Variants in ME1 observed in about 807,000 individuals in gnomAD.
ME1 encodes NADP-dependent malic enzyme.
A neutral mutation model predicts 66.4 loss-of-function variants in ME1; 74 were observed. The ratio of observed to expected loss-of-function variants is 1.11; its 90% CI spans 0.92 to 1.35. The LOEUF is 1.35. ME1 is among the 40% of genes most tolerant of loss of function. The pLI, the probability that ME1 is intolerant of heterozygous loss-of-function variation, is 0.00. For missense variants in ME1, 750 were observed against 694.1 expected, an observed-to-expected ratio of 1.08 and a Z score of -0.90; for synonymous variants, 251 against 235.6, an observed-to-expected ratio of 1.07 and a Z score of -0.60.
chr6:83,392,762 C>A (rs974859728), intron 3 of ME1: 3 of 667,216 alleles, frequency 4.5e-6, no homozygotes, highest in Non-Finnish European at 8.3e-6. Flanking sequence ...GAGGGAGGAG[C>A]CAAAACGGTC....
At chr6:83,235,465 T>C (rs1246653273) in intron 9 of ME1, among the ~76,000 whole-genome samples, 2 of 137,878 alleles carry the variant, frequency 1.5e-5, no homozygotes, top group African/African-American at 5.6e-5. Flanking sequence ...TTCAAAGCAA[T>C]AGCTATTTTT....
At chr6:83,271,867 T>TA (rs1767087525) in intron 6 of ME1, among the ~76,000 whole-genome samples, 1 of 152,156 alleles carries the variant, frequency 6.6e-6, no homozygotes, top group African/African-American at 2.4e-5. Flanking sequence ...TTACTTTTTT[T>TA]AAAAAATTGT....
intron 6 of ME1, among the ~76,000 whole-genome samples, chr6:83,275,683 T>C (rs1767165942): frequency 6.7e-6 from 1 of 149,238 alleles, no homozygotes; most frequent in Non-Finnish European, 1.5e-5. Flanking sequence ...GCCAGGATGG[T>C]CTCGATCTCC....
At chr6:83,260,176 C>CAAAAAA (rs11386903) in intron 6 of ME1, among the ~76,000 whole-genome samples, 1 of 143,466 alleles carries the variant, frequency 7.0e-6, no homozygotes, top group Admixed American at 6.9e-5. Context: ...TAGCAAGGAC[C>CAAAAAA]AAAAAAAAAA....
chr6:83,260,076 T>C (rs552391147), intron 6 of ME1, among the ~76,000 whole-genome samples: 1 of 152,128 alleles, frequency 6.6e-6, no homozygotes, highest in African/African-American at 2.4e-5. Flanking sequence ...GAATGAGAGA[T>C]AAATAATTAA....
intron 6 of ME1, among the ~76,000 whole-genome samples, chr6:83,310,977 T>C (rs750426518): frequency 1.5e-4 from 23 of 152,164 alleles, no homozygotes; most frequent in Non-Finnish European, 3.4e-4. Flanking sequence ...TGGAATGGGA[T>C]GTCTGGTTTG....
chr6:83,298,931 G>GTTTTTT lies in ME1; in HGVS notation c.704+16373_704+16378dup, dbSNP rs61055748. 1.3e-3 allele frequency among the ~76,000 whole-genome samples: 29 copies of GTTTTTT among 22,496 alleles called. 4 individuals are homozygous for GTTTTTT. The highest frequency in any genetic ancestry group is 4.2e-3 in the East Asian group (3 of 708). The allele number at this position is 22,496 out of a possible 152,430, so 14.8% of individuals were successfully genotyped here. On this transcript the variant is annotated intron_variant, in intron 6 of 13. Transcript: ENST00000369705. ...TGCTGTTCCATTAGTCTATGTGTCT[G>GTTTTTT]TTTTTTTTTTTTTTTTTTTTTTTTT...
At chr6:83,311,312 G>A (rs75329458) in intron 6 of ME1, among the ~76,000 whole-genome samples, 46 of 152,252 alleles carry the variant, frequency 3.0e-4, no homozygotes, top group African/African-American at 9.9e-4. Flanking sequence ...TGATTAAAAG[G>A]GCTGGAACCT....
intron 3 of ME1, among the ~76,000 whole-genome samples, chr6:83,384,340 T>C (rs936656343): frequency 2.6e-5 from 4 of 151,900 alleles, no homozygotes; most frequent in Non-Finnish European, 5.9e-5. Flanking sequence ...TCTGATTTTT[T>C]TTAACTTTTT....
chr6:83,293,358 G>T (rs1310781836), intron 6 of ME1, among the ~76,000 whole-genome samples: 2 of 152,084 alleles, frequency 1.3e-5, no homozygotes, highest in African/African-American at 4.8e-5. Context: ...TGGATCTCTA[G>T]AACTTTTTCA....
chr6:83,328,529 A>T (rs1465388323), intron 5 of ME1, among the ~76,000 whole-genome samples: 1 of 152,214 alleles, frequency 6.6e-6, no homozygotes, highest in Non-Finnish European at 1.5e-5. Flanking sequence ...CATAATTTTA[A>T]TTAAGATAAT....
chr6:83,406,137 A>G (rs1769939523), intron 2 of ME1, among the ~76,000 whole-genome samples: 1 of 152,170 alleles, frequency 6.6e-6, no homozygotes, highest in Non-Finnish European at 1.5e-5. Flanking sequence ...ACGTTTATTG[A>G]TTTGCATATG....
chr6:83,283,315 A>AC (rs1767340631), intron 6 of ME1, among the ~76,000 whole-genome samples: 1 of 151,306 alleles, frequency 6.6e-6, no homozygotes, highest in Admixed American at 6.6e-5. Flanking sequence ...GCAAACTAAC[A>AC]CAGGAACAGA....
At chr6:83,274,610 A>G (rs952987283) in intron 6 of ME1, among the ~76,000 whole-genome samples, 2 of 152,350 alleles carry the variant, frequency 1.3e-5, no homozygotes, top group Middle Eastern at 3.4e-3. Flanking sequence ...AAGGCCATTT[A>G]AACTACCACT....
At chr6:83,229,335 G>A in intron 9 of ME1, 1 of 268,496 alleles carries the variant, frequency 3.7e-6, no homozygotes, top group Non-Finnish European at 7.2e-6. Flanking sequence ...ACCAATTTAT[G>A]CTACTGACTA....
At chr6:83,362,912 C>T (rs1044478276) in intron 3 of ME1, among the ~76,000 whole-genome samples, 3 of 152,232 alleles carry the variant, frequency 2.0e-5, no homozygotes, top group Admixed American at 6.5e-5. Flanking sequence ...ATTCACTGGT[C>T]TTACCATGTT....
chr6:83,380,678 T>C (rs1769379600), intron 3 of ME1, among the ~76,000 whole-genome samples: 1 of 152,074 alleles, frequency 6.6e-6, no homozygotes, highest in Non-Finnish European at 1.5e-5. Flanking sequence ...CCTGGGAGCC[T>C]GGGATGTTAG....
intron 6 of ME1, among the ~76,000 whole-genome samples, chr6:83,283,600 AACAAAC>A (rs1767347189): frequency 6.6e-6 from 1 of 152,104 alleles, no homozygotes. Flanking sequence ...CAAAAACAAA[AACAAAC>A]AAACAAAAAA....
Position 83,275,842 on chromosome 6 carries a change from G to C in ME1, c.705-22104C>G, listed in dbSNP as rs907511381. On this transcript the variant is annotated intron_variant, in intron 6 of 13. Coordinates refer to ENST00000369705, the MANE Select transcript of ME1 (RefSeq NM_002395.6). ...GGCTGGAGTGCAGTGGCGCGATCTC[G>C]GCTCACTGCAACCTCCGCCTCCCGG... Among the ~76,000 whole-genome samples, 4 of 132,870 alleles carry C rather than the reference G, an allele frequency of 3.0e-5. No homozygotes were observed. In the Admixed American group the frequency reaches 3.5e-4, roughly 12 times the overall value. 87.2% of individuals were successfully genotyped at this position (132,870 alleles called of 152,430 possible). A position where few individuals can be genotyped will look rare whatever the true frequency, so the allele number is the denominator to read the frequency against.
Sources: allele counts gnomAD v4.1 joint callset (sites outside exome capture counted in the v4.1 genomes callset), GRCh38; gene constraint gnomAD v4.1.1; transcripts MANE v1.5; gene names NCBI Gene and HGNC (gene_info 2026-07-23, HGNC 2026-07-21).